The following LARGE1 variants were observed in gnomAD, a reference collection of about 807,000 sequenced individuals.
The protein encoded by LARGE1 is LARGE xylosyl- and glucuronyltransferase 1, also known as xylosyl- and glucuronyltransferase LARGE1.
LARGE1 carries 43 observed loss-of-function variants against 87.6 expected under a neutral mutation model. That is an observed-to-expected ratio of 0.49 (90% CI 0.38 to 0.63). The LOEUF is 0.63. Ranked by LOEUF, LARGE1 falls within the 30% of genes least tolerant of loss-of-function variation. The pLI is 0.00. For missense variants in LARGE1, 802 were observed against 1,000.2 expected, an observed-to-expected ratio of 0.80 and a Z score of 2.67; for synonymous variants, 434 against 394.6, an observed-to-expected ratio of 1.10 and a Z score of -1.18.
At chr22:33,491,906 C>A (rs1332305791) in intron 6 of LARGE1, among the ~76,000 whole-genome samples, 1 of 152,164 alleles carries the variant, frequency 6.6e-6, no homozygotes, top group Admixed American at 6.5e-5. Context: ...CCCGAGGCAG[C>A]TGAAATGCAA....
intron 6 of LARGE1, among the ~76,000 whole-genome samples, chr22:33,503,506 A>C (rs2070608499): frequency 6.6e-6 from 1 of 152,042 alleles, no homozygotes; most frequent in African/African-American, 2.4e-5. Context: ...ATCCATGCAA[A>C]AACTTTTATG....
rs76647066 is a variant in LARGE1 at position 33,304,535 on chromosome 22, G to T, written c.1452-28C>A. 3 of 1,544,898 alleles carry T rather than the reference G, an allele frequency of 1.9e-6. No individual in the cohort carries two copies. The Middle Eastern group carries it at 6.8e-4, about 350-fold the overall frequency. ...GGAAGAGACAGGGAGGGTGAGCCGC[G>T]GGACCTGGGCCATCCATGCATCATC... On this transcript the variant is annotated intron_variant, in intron 11 of 14. Coordinates refer to ENST00000397394, the MANE Select transcript of LARGE1 (RefSeq NM_133642.5).
At chr22:33,922,520 G>A (rs1335196195), upstream of LARGE1, 1 of 152,096 alleles carries the variant, frequency 6.6e-6, no homozygotes, top group Admixed American at 6.5e-5. Flanking sequence ...GCGAAAGGGA[G>A]GCAGCGGTGG....
At chr22:33,373,451 C>T (rs567857741) in intron 9 of LARGE1, among the ~76,000 whole-genome samples, 3 of 152,310 alleles carry the variant, frequency 2.0e-5, no homozygotes, top group South Asian at 4.1e-4. Flanking sequence ...ATGGTAATTT[C>T]ACTTCTTGAG....
the LARGE1 span, among the ~76,000 whole-genome samples, chr22:33,070,579 C>T: frequency 2.0e-5 from 3 of 152,152 alleles, no homozygotes; most frequent in African/African-American, 7.2e-5. Flanking sequence ...GGTAATACAA[C>T]AGAGATAAAC....
chr22:33,647,298 T>A (rs930754263), intron 3 of LARGE1, among the ~76,000 whole-genome samples: 4 of 152,218 alleles, frequency 2.6e-5, no homozygotes, highest in Admixed American at 2.6e-4. Context: ...AAAATCTATC[T>A]GTTCCAGGCT....
chr22:33,089,321 T>TTCTTTCTTC, the LARGE1 span, among the ~76,000 whole-genome samples: 2,140 of 86,878 alleles, frequency 0.025, 31 homozygotes, highest in Middle Eastern at 0.03. Context: ...TTCTTTCTTC[T>TTCTTTCTTC]TTCTTCTTCT....
chr22:33,534,980 A>T (rs947309027), intron 6 of LARGE1, among the ~76,000 whole-genome samples: 1 of 152,174 alleles, frequency 6.6e-6, no homozygotes, highest in African/African-American at 2.4e-5. Flanking sequence ...ACTTTACATG[A>T]GCACTTGGCA....
chr22:33,837,338 CAT>C (rs781444198), intron 1 of LARGE1, among the ~76,000 whole-genome samples: 2 of 146,658 alleles, frequency 1.4e-5, no homozygotes, highest in Non-Finnish European at 2.9e-5. Context: ...TACACACACA[CAT>C]ATATAGTATA....
chr22:33,341,656 C>T (rs953218698), intron 9 of LARGE1, among the ~76,000 whole-genome samples: 5 of 152,158 alleles, frequency 3.3e-5, no homozygotes, highest in Admixed American at 2.6e-4. Flanking sequence ...TAACCAACAA[C>T]GAATGATACA....
chr22:33,130,995 A>G, the LARGE1 span, among the ~76,000 whole-genome samples: 1 of 139,590 alleles, frequency 7.2e-6, no homozygotes, highest in Non-Finnish European at 1.5e-5. Context: ...GCTCGCGCCA[A>G]TGCACTCCAG....
the LARGE1 span, chr22:33,109,236 T>G: frequency 2.6e-5 from 4 of 152,262 alleles, no homozygotes; most frequent in Non-Finnish European, 5.9e-5. Flanking sequence ...CAAGCCAGGT[T>G]TGGTTGCTAA....
At chr22:33,331,017 G>A (rs1204859061) in intron 10 of LARGE1, among the ~76,000 whole-genome samples, 1 of 152,172 alleles carries the variant, frequency 6.6e-6, no homozygotes, top group Non-Finnish European at 1.5e-5. Flanking sequence ...TCTCTGCTAC[G>A]TCTTTTTACC....
chr22:33,340,690 G>A (rs532939499), intron 9 of LARGE1, among the ~76,000 whole-genome samples: 2 of 151,996 alleles, frequency 1.3e-5, no homozygotes, highest in Admixed American at 1.3e-4. Context: ...CTCCTGGGGG[G>A]CTCACCCATG....
intron 6 of LARGE1, among the ~76,000 whole-genome samples, chr22:33,484,026 A>G (rs1037836221): frequency 6.6e-6 from 1 of 152,166 alleles, no homozygotes; most frequent in African/African-American, 2.4e-5. Context: ...AAAAGCCGCG[A>G]CACGGGCCTC....
chr22:33,281,733 G>C (rs569748694), intron 13 of LARGE1, among the ~76,000 whole-genome samples: 8 of 152,318 alleles, frequency 5.3e-5, no homozygotes, highest in Admixed American at 6.5e-5. Context: ...TCTGGATAGA[G>C]GAAGAAGCCT....
At chr22:33,623,014 G>A (rs949389396) in intron 4 of LARGE1, among the ~76,000 whole-genome samples, 1 of 152,132 alleles carries the variant, frequency 6.6e-6, no homozygotes, top group Non-Finnish European at 1.5e-5. Context: ...TGCAGCTAGG[G>A]CAACAGGAAT....
At chr22:33,397,991 T>C (rs566330655) in intron 7 of LARGE1, among the ~76,000 whole-genome samples, 5 of 152,214 alleles carry the variant, frequency 3.3e-5, no homozygotes, top group Non-Finnish European at 5.9e-5. Flanking sequence ...TTGGGTTGTC[T>C]GCCCTTTTTC....
chr22:33,503,293 G>A (rs1476830155), intron 6 of LARGE1, among the ~76,000 whole-genome samples: 5 of 135,282 alleles, frequency 3.7e-5, no homozygotes, highest in Non-Finnish European at 7.7e-5. Flanking sequence ...GTCTTGCTCT[G>A]TTGCCCAGGT....
Sources: allele counts gnomAD v4.1 joint callset (sites outside exome capture counted in the v4.1 genomes callset), GRCh38; gene constraint gnomAD v4.1.1; transcripts MANE v1.5; gene names NCBI Gene and HGNC (gene_info 2026-07-23, HGNC 2026-07-21).